C5orf58: variants seen among roughly 807,000 people sequenced by gnomAD.
C5orf58 encodes the protein chromosome 5 open reading frame 58.
A neutral mutation model predicts 2.9 loss-of-function variants in C5orf58; 2 were observed. That is an observed-to-expected ratio of 0.69 (90% CI 0.28 to 2.18). C5orf58 has a LOEUF of 2.18. Among genes scored for constraint, C5orf58 ranks in the 30% most tolerant of loss-of-function variants. The pLI is 0.13. For synonymous variants in C5orf58, 37 were observed against 33.4 expected (o/e 1.11, Z -0.37); for missense variants, 96 against 91.7 (o/e 1.05, Z -0.19).
At chr5:170,251,955 C>A in exon 3 of C5orf58, 1 of 246,480 alleles carries the variant, frequency 4.1e-6, no homozygotes, top group South Asian at 4.6e-5. Context: ...GCACTGGCTA[C>A]GGGAAATATG....
At chr5:170,248,742 A>T, downstream of C5orf58, 4 of 1,609,444 alleles carry the variant, frequency 2.5e-6, no homozygotes, top group Non-Finnish European at 3.4e-6. Flanking sequence ...GGTATCTGGA[A>T]CCTCGGTTTT....
chr5:170,251,935 TAA>T (rs1285491177), exon 3 of C5orf58: 1 of 246,652 alleles, frequency 4.1e-6, no homozygotes, highest in Non-Finnish European at 8.5e-6. Context: ...AAATCTAAGG[TAA>T]AGTTTCGGCA....
chr5:170,239,781 T>G (rs1291798191), intron 3 of C5orf58, among the ~76,000 whole-genome samples: 2 of 152,220 alleles, frequency 1.3e-5, no homozygotes, highest in Non-Finnish European at 2.9e-5. Flanking sequence ...ATCTTATTTT[T>G]TTTTTAATTA....
chr5:170,248,864 AG>A, downstream of C5orf58: 1 of 1,600,436 alleles, frequency 6.2e-7, no homozygotes, highest in Admixed American at 1.7e-5. Context: ...TGGAATGAAA[AG>A]CAGGAACTTC....
chr5:170,243,446 A>T (rs1183506494), intron 3 of C5orf58, among the ~76,000 whole-genome samples: 3 of 148,602 alleles, frequency 2.0e-5, no homozygotes, highest in African/African-American at 7.5e-5. Context: ...GACTTGCTTT[A>T]TGAATCTGGG....
chr5:170,233,019 C>A lies in C5orf58; in HGVS notation c.-85+12C>A. ...TGACGGTTGGCCAGGTGGGTAGTGA[C>A]GGCTGCTCGGTCTTGAAGGATCCTA... is the stretch of plus-strand genomic sequence containing the variant. On this transcript the variant is annotated intron_variant, in intron 1 of 3. Coordinates refer to ENST00000593851, the MANE Select transcript of C5orf58 (RefSeq NM_001102609.3). The A allele has an allele frequency of 2.1e-6, 2 of 973,216 alleles. No individual in the cohort carries two copies. Among genetic ancestry groups the A allele is most frequent in the Non-Finnish European group, 2.4e-6 (2 of 818,698 alleles). The allele number at this position is 973,216 out of a possible 1,614,324, so 60.3% of individuals were successfully genotyped here.
chr5:170,239,710 T>A (rs748765978), intron 3 of C5orf58, among the ~76,000 whole-genome samples: 3 of 152,222 alleles, frequency 2.0e-5, no homozygotes, highest in African/African-American at 7.2e-5. Context: ...AGCCGAGAAG[T>A]TGGGCTAAAG....
intron 3 of C5orf58, among the ~76,000 whole-genome samples, chr5:170,245,493 C>T (rs970159775): frequency 2.0e-5 from 3 of 152,138 alleles, no homozygotes; most frequent in Admixed American, 6.5e-5. Context: ...TTTTTTAAGC[C>T]GGTCTGAAAA....
At chr5:170,236,527 C>G (rs1760747132) in intron 3 of C5orf58, among the ~76,000 whole-genome samples, 1 of 152,220 alleles carries the variant, frequency 6.6e-6, no homozygotes, top group Non-Finnish European at 1.5e-5. Context: ...AAATGCGAAT[C>G]TGCAGAAAAC....
intron 3 of C5orf58, among the ~76,000 whole-genome samples, chr5:170,238,580 G>A (rs1262414913): frequency 6.6e-6 from 1 of 152,178 alleles, no homozygotes; most frequent in African/African-American, 2.4e-5. Context: ...AAGGGCATTT[G>A]TTTCTACAAT....
At chr5:170,242,656 G>C (rs1173323873) in intron 3 of C5orf58, among the ~76,000 whole-genome samples, 1 of 119,642 alleles carries the variant, frequency 8.4e-6, no homozygotes, top group Non-Finnish European at 1.8e-5. Context: ...GTGTCTATTG[G>C]ATTCTTCTCT....
intron 1 of C5orf58, 38 bp downstream of exon 1, chr5:170,233,045 A>C: frequency 3.3e-6 from 3 of 901,808 alleles, no homozygotes; most frequent in African/African-American, 1.8e-5. Context: ...AAGGATCCTA[A>C]TCTGGTTTGG....
intron 3 of C5orf58, among the ~76,000 whole-genome samples, chr5:170,242,557 T>G (rs1761062161): frequency 9.2e-6 from 1 of 108,248 alleles, no homozygotes; most frequent in Non-Finnish European, 1.9e-5. Context: ...TTTTCTAGTT[T>G]ATTTGCGTAG....
rs1343384439 is a variant in C5orf58 at position 170,234,137 on chromosome 5, T to A, written c.-62T>A. On this transcript the variant is annotated 5_prime_UTR_variant, in exon 2 of 4. An upstream start codon of the reference 5' UTR is lost. Coordinates refer to ENST00000593851, the MANE Select transcript of C5orf58 (RefSeq NM_001102609.3). Reference sequence around the variant, plus strand: ...TAGTTTTTTTACAGTGGCTCTGAAATGAGAGAAATTGCAGAAATTCTCCCT... The same window carrying A: ...TAGTTTTTTTACAGTGGCTCTGAAAAGAGAGAAATTGCAGAAATTCTCCCT... 7.3e-7 allele frequency: 1 copy of A among 1,367,584 alleles called. No homozygotes were observed. The allele number at this position is 1,367,584 out of a possible 1,614,324, so 84.7% of individuals were successfully genotyped here.
chr5:170,250,342 G>A (rs1581054954), downstream of C5orf58, among the ~76,000 whole-genome samples: 1 of 152,274 alleles, frequency 6.6e-6, no homozygotes. Context: ...AATCACCCCA[G>A]CAAATATTCT....
chr5:170,238,602 C>A (rs1403809594), intron 3 of C5orf58, among the ~76,000 whole-genome samples: 1 of 152,146 alleles, frequency 6.6e-6, no homozygotes, highest in Non-Finnish European at 1.5e-5. Flanking sequence ...AAAGAGTCCA[C>A]CACAGTGCAT....
At chr5:170,248,565 A>G (rs1196233623), downstream of C5orf58, 1 of 888,822 alleles carries the variant, frequency 1.1e-6, no homozygotes, top group Non-Finnish European at 1.8e-6. Flanking sequence ...TTTTTAAAGG[A>G]AAGGATAAAA....
At chr5:170,233,933 G>A (rs1036373763) in intron 1 of C5orf58, 182 bp from the exon 2 acceptor site, 1 of 366,250 alleles carries the variant, frequency 2.7e-6, no homozygotes, top group African/African-American at 2.1e-5. Flanking sequence ...AAAAACTTTT[G>A]CCTTGTTTTT....
At position 170,239,649 on chromosome 5, in the gene C5orf58, T is replaced by G. The variant is rs572843746; in HGVS notation, c.94+4579T>G. ...ATGTATAACATAGATAAAAATAAGTTAAAACCATATAAATCAAATTTGTAT... is the reference window on the plus strand; with the variant it reads ...ATGTATAACATAGATAAAAATAAGTGAAAACCATATAAATCAAATTTGTAT... On this transcript the variant is annotated intron_variant, in intron 3 of 3. Transcript: ENST00000593851. 7.9e-5 allele frequency among the ~76,000 whole-genome samples: 12 copies of G among 152,304 alleles called. No homozygotes were observed. The South Asian group carries it at 2.5e-3, about 32-fold the overall frequency.
Sources: allele counts gnomAD v4.1 joint callset (sites outside exome capture counted in the v4.1 genomes callset), GRCh38; gene constraint gnomAD v4.1.1; transcripts MANE v1.5; gene names NCBI Gene and HGNC (gene_info 2026-07-23, HGNC 2026-07-21).